DLGAP2: variants seen among roughly 807,000 people sequenced by gnomAD.
DLGAP2 encodes DLG associated protein 2, also known as disks large-associated protein 2.
In DLGAP2, 26 loss-of-function variants were observed where a neutral mutation model predicts 100.3. That is an observed-to-expected ratio of 0.26 (90% CI 0.19 to 0.36). The LOEUF is 0.36. Ranked by LOEUF, DLGAP2 falls within the 10% of genes least tolerant of loss-of-function variation. The pLI, the probability that DLGAP2 is intolerant of heterozygous loss-of-function variation, is 1.00. For missense variants in DLGAP2, 1,858 were observed against 1,453.2 expected, an observed-to-expected ratio of 1.28 and a Z score of -4.53; for synonymous variants, 886 against 630.1, an observed-to-expected ratio of 1.41 and a Z score of -6.08.
intron 1 of DLGAP2, among the ~76,000 whole-genome samples, chr8:857,935 A>T (rs1444906435): frequency 1.3e-5 from 2 of 148,776 alleles, no homozygotes; most frequent in African/African-American, 5.0e-5. Flanking sequence ...CAGTGGTGTG[A>T]TCTCGGCTCA....
At chr8:804,450 G>T (rs1438791681) in intron 1 of DLGAP2, among the ~76,000 whole-genome samples, 2 of 152,162 alleles carry the variant, frequency 1.3e-5, no homozygotes, top group African/African-American at 2.4e-5. Flanking sequence ...CTTCTGTTTC[G>T]AGGAGATCTT....
At chr8:1,325,682 TC>T (rs1801005949) in intron 3 of DLGAP2, among the ~76,000 whole-genome samples, 1 of 152,174 alleles carries the variant, frequency 6.6e-6, no homozygotes, top group Non-Finnish European at 1.5e-5. Flanking sequence ...TTCTCATTAT[TC>T]CTCTCGCGTG....
intron 3 of DLGAP2, among the ~76,000 whole-genome samples, chr8:1,350,831 T>A (rs1189854022): frequency 1.9e-5 from 1 of 51,924 alleles, no homozygotes; most frequent in Non-Finnish European, 3.9e-5. Context: ...GTCCTGAGTG[T>A]GCGTGGAAAG....
chr8:1,454,888 A>G (rs1244097409), intron 3 of DLGAP2, among the ~76,000 whole-genome samples: 1 of 152,154 alleles, frequency 6.6e-6, no homozygotes, highest in East Asian at 1.9e-4. Flanking sequence ...CCCTCCCGTC[A>G]TGCAGACAGG....
Position 1,075,909 on chromosome 8 carries a change from TAAAAACAAAA to T in DLGAP2, c.73+167949_73+167958del, listed in dbSNP as rs1563178786. Among the ~76,000 whole-genome samples, 722 of 140,694 alleles carry T rather than the reference TAAAAACAAAA, an allele frequency of 5.1e-3. 7 individuals carry two copies. Among genetic ancestry groups the T allele is most frequent in the African/African-American group, 0.018 (682 of 38,098 alleles). 92.3% of individuals were successfully genotyped at this position (140,694 alleles called of 152,430 possible). A position where few individuals can be genotyped will look rare whatever the true frequency, so the allele number is the denominator to read the frequency against. On this transcript the variant is annotated intron_variant, in intron 2 of 14. Coordinates refer to ENST00000637795, the MANE Select transcript of DLGAP2 (RefSeq NM_001346810.2). ...GAGGGAGACCTCATCTCAAAAAAAA[TAAAAACAAAA>T]AAAAAGAAAAAAGACCCGAAAAATC...
At chr8:1,105,396 C>T (rs550490049) in intron 2 of DLGAP2, among the ~76,000 whole-genome samples, 10 of 152,226 alleles carry the variant, frequency 6.6e-5, no homozygotes, top group South Asian at 2.1e-4. Flanking sequence ...ACAGGTTCCC[C>T]GCATTCTCAC....
intron 2 of DLGAP2, among the ~76,000 whole-genome samples, chr8:941,819 ATT>A (rs35770034): frequency 4.7e-5 from 7 of 149,804 alleles, no homozygotes; most frequent in South Asian, 2.1e-4. Context: ...CACAAAATAC[ATT>A]TTTTTTTTTG....
intron 2 of DLGAP2, among the ~76,000 whole-genome samples, chr8:1,121,225 C>T (rs1229207914): frequency 2.0e-5 from 3 of 149,334 alleles, no homozygotes; most frequent in Non-Finnish European, 3.0e-5. Flanking sequence ...CATCCTTGTC[C>T]AGTTAGAACC....
At chr8:1,097,303 A>C (rs572798424) in intron 2 of DLGAP2, among the ~76,000 whole-genome samples, 5 of 131,320 alleles carry the variant, frequency 3.8e-5, no homozygotes, top group African/African-American at 1.5e-4. Flanking sequence ...AGCCCGGGGC[A>C]GGCCTTCACC....
chr8:1,525,910 G>T (rs1214174421), intron 4 of DLGAP2, among the ~76,000 whole-genome samples: 1 of 152,124 alleles, frequency 6.6e-6, no homozygotes, highest in Non-Finnish European at 1.5e-5. Flanking sequence ...GATTTATGCT[G>T]CAGGCTAAGT....
intron 6 of DLGAP2, among the ~76,000 whole-genome samples, chr8:1,615,760 C>T (rs1797131125): frequency 6.6e-6 from 1 of 151,604 alleles, no homozygotes; most frequent in African/African-American, 2.4e-5. Context: ...ATCTTTAAAG[C>T]AGCCATTGTA....
At chr8:941,435 G>A (rs868101566) in intron 2 of DLGAP2, among the ~76,000 whole-genome samples, 4 of 152,150 alleles carry the variant, frequency 2.6e-5, no homozygotes, top group Non-Finnish European at 5.9e-5. Context: ...CACTCGAGAT[G>A]TGCACATCAG....
At chr8:1,278,683 C>G (rs1350322224) in intron 3 of DLGAP2, among the ~76,000 whole-genome samples, 1 of 152,170 alleles carries the variant, frequency 6.6e-6, no homozygotes, top group Non-Finnish European at 1.5e-5. Context: ...AGTGGTGTGA[C>G]CCTCTTATCT....
chr8:1,431,290 T>C (rs766249396), intron 3 of DLGAP2, among the ~76,000 whole-genome samples: 1 of 152,252 alleles, frequency 6.6e-6, no homozygotes, highest in Non-Finnish European at 1.5e-5. Context: ...GTAATGTTTT[T>C]AAAGACTAAA....
intron 10 of DLGAP2, among the ~76,000 whole-genome samples, chr8:1,673,835 T>TAAC (rs1179798968): frequency 6.6e-6 from 1 of 152,108 alleles, no homozygotes; most frequent in African/African-American, 2.4e-5. Flanking sequence ...CTATAAAAAA[T>TAAC]AACAAAAATA....
intron 13 of DLGAP2, among the ~76,000 whole-genome samples, chr8:1,694,989 C>T (rs920960055): frequency 6.6e-6 from 1 of 152,200 alleles, no homozygotes; most frequent in African/African-American, 2.4e-5. Flanking sequence ...CGTCCGGCCC[C>T]AGCATGTGGT....
intron 6 of DLGAP2, among the ~76,000 whole-genome samples, chr8:1,576,586 A>T (rs891329382): frequency 6.6e-6 from 1 of 152,076 alleles, no homozygotes; most frequent in Non-Finnish European, 1.5e-5. Context: ...TTCTTCTAGG[A>T]TTTTTATGGT....
intron 1 of DLGAP2, among the ~76,000 whole-genome samples, chr8:801,989 C>CCA (rs879538900): frequency 1.4e-5 from 2 of 144,214 alleles, no homozygotes. Flanking sequence ...CCTGGGTCCT[C>CCA]TGTCCTCACA....
chr8:1,315,113 TAGTA>T lies in DLGAP2; in HGVS notation c.106+56236_106+56239del, dbSNP rs201210202. On this transcript the variant is annotated intron_variant, in intron 3 of 14. Coordinates refer to ENST00000637795, the MANE Select transcript of DLGAP2 (RefSeq NM_001346810.2). ...AGCGGCGACACCATAGAACCGTATT[TAGTA>T]AGTAACATTTTGAGAAGAGTAAAGC... 1.8e-4 allele frequency among the ~76,000 whole-genome samples: 27 copies of T among 152,364 alleles called. No individual in the cohort carries two copies. The East Asian group carries it at 5.2e-3, about 29-fold the overall frequency.
Sources: allele counts gnomAD v4.1 joint callset (sites outside exome capture counted in the v4.1 genomes callset), GRCh38; gene constraint gnomAD v4.1.1; transcripts MANE v1.5; gene names NCBI Gene and HGNC (gene_info 2026-07-23, HGNC 2026-07-21).